Variants in SLC15A1 observed in about 807,000 individuals in gnomAD.
The protein encoded by SLC15A1 is solute carrier family 15 member 1.
In SLC15A1, 83 loss-of-function variants were observed where a neutral mutation model predicts 92.9. That is an observed-to-expected ratio of 0.89 (90% CI 0.75 to 1.07). SLC15A1 has a LOEUF of 1.07. Among genes scored for constraint, SLC15A1 ranks in the 50% least tolerant of loss-of-function variants. The probability of loss-of-function intolerance (pLI) is 0.00; values close to 1 mark genes in which losing one functional copy is unlikely to be tolerated. For synonymous variants in SLC15A1, 322 were observed against 318.2 expected (o/e 1.01, Z -0.13); for missense variants, 857 against 880.1 (o/e 0.97, Z 0.33).
chr13:98,687,799 G>T, intron 20 of SLC15A1, 75 bp from the exon 21 acceptor site: 1 of 1,532,048 alleles, frequency 6.5e-7, no homozygotes, highest in Non-Finnish European at 8.9e-7. Flanking sequence ...GGTAAATTGA[G>T]TTTGACCTTC....
At chr13:98,687,812 G>C (rs1222557717) in intron 20 of SLC15A1, 88 bp from the exon 21 acceptor site, 1 of 1,451,932 alleles carries the variant, frequency 6.9e-7, no homozygotes, top group Admixed American at 2.0e-5. Flanking sequence ...TGACCTTCTA[G>C]GATTACATCA....
intron 16 of SLC15A1, 50 bp from the exon 17 acceptor site, chr13:98,704,485 T>C (rs1473689321): frequency 6.5e-7 from 1 of 1,532,726 alleles, no homozygotes; most frequent in African/African-American, 1.4e-5. Context: ...GTCTCGGCAC[T>C]ATGCAACTGA....
At chr13:98,751,527 G>GTTCTGCAGAGCT (rs2088546736) in intron 1 of SLC15A1, among the ~76,000 whole-genome samples, 1 of 152,232 alleles carries the variant, frequency 6.6e-6, no homozygotes, top group Non-Finnish European at 1.5e-5. Flanking sequence ...CTGCAGCCCA[G>GTTCTGCAGAGCT]GAATCTGCCT....
intron 1 of SLC15A1, among the ~76,000 whole-genome samples, chr13:98,727,246 T>C (rs1383917607): frequency 6.6e-6 from 1 of 152,208 alleles, no homozygotes; most frequent in Non-Finnish European, 1.5e-5. Context: ...ATAAAATGCT[T>C]CTGAGTGCCT....
Position 98,688,275 on chromosome 13 carries a change from A to G in SLC15A1, c.1656T>C (p.Ser552=). Reference sequence around the variant, plus strand: ...TCCTTTGGACTATATAGGTATAAGCACTACCAAATTCAAGGTAGAAAGTAT... The same window carrying G: ...TCCTTTGGACTATATAGGTATAAGCGCTACCAAATTCAAGGTAGAAAGTAT... ...NFNTFYLEFG[S]AYTYIVQRKN... Residue 552 remains serine (S), a synonymous_variant, in exon 20 of 23, where the codon AGT becomes AGC. Coordinates refer to ENST00000376503, the MANE Select transcript of SLC15A1 (RefSeq NM_005073.4). The G allele has an allele frequency of 6.2e-7, 1 of 1,613,570 alleles. No individual in the cohort carries two copies. The highest frequency in any genetic ancestry group is 8.5e-7 in the Non-Finnish European group (1 of 1,179,526).
In SLC15A1 at chr13:98,707,027, C is replaced by T. The variant is rs142292197; in HGVS notation, c.1150-774G>A. On this transcript the variant is annotated intron_variant, in intron 15 of 22. Transcript: ENST00000376503. ...CCAGCCCTAGACGCAGCAGTGTACA[C>T]ATCTCACAAATGCCTGATGCTCTCC... Among the ~76,000 whole-genome samples, 489 of 152,336 alleles carry T rather than the reference C, an allele frequency of 3.2e-3. 2 individuals carry two copies. The highest frequency in any genetic ancestry group is 0.01 in the African/African-American group (424 of 41,590).
intron 1 of SLC15A1, among the ~76,000 whole-genome samples, chr13:98,737,376 G>A (rs1046196449): frequency 7.2e-5 from 11 of 152,174 alleles, no homozygotes; most frequent in Non-Finnish European, 1.5e-4. Flanking sequence ...ATAGCATTAG[G>A]AGAAATACCT....
chr13:98,718,612 C>T (rs7321176), intron 8 of SLC15A1, among the ~76,000 whole-genome samples: 124,256 of 152,044 alleles, frequency 0.82, 51,420 homozygotes, highest in African/African-American at 0.94. Context: ...AGGTCAGGTG[C>T]TCGAGACCAG....
chr13:98,710,587 G>A (rs903304545), intron 11 of SLC15A1, among the ~76,000 whole-genome samples: 5 of 151,992 alleles, frequency 3.3e-5, no homozygotes, highest in Non-Finnish European at 5.9e-5. Context: ...AGGCCGAGGC[G>A]CGTGGATCAC....
chr13:98,712,993 T>G (rs1333004040), intron 9 of SLC15A1, among the ~76,000 whole-genome samples: 1 of 152,232 alleles, frequency 6.6e-6, no homozygotes, highest in African/African-American at 2.4e-5. Flanking sequence ...AATTTTTACC[T>G]TCTTCTTCCA....
In SLC15A1 at chr13:98,721,569, CT is replaced by C; in HGVS notation, c.481del (p.Arg161AspfsTer51). The C allele has an allele frequency of 1.9e-6, 3 of 1,605,688 alleles. No homozygotes were observed. Among genetic ancestry groups the C allele is most frequent in the Non-Finnish European group, 2.6e-6 (3 of 1,175,278 alleles). ...AGCCAAGTAAAAGATGGAAAAAAAT[CT>C]GTTTCTTTGTTTCTCCTGCAATGAA... The part of the protein sequence containing the change: ...FEEGQEKQRN[R>X]FFSIFYLAIN... On this transcript the variant is annotated frameshift_variant, in exon 7 of 23. Transcript: ENST00000376503. LOFTEE classifies it high-confidence loss of function.
At chr13:98,696,507 CAA>C (rs2088023187) in intron 18 of SLC15A1, among the ~76,000 whole-genome samples, 1 of 152,084 alleles carries the variant, frequency 6.6e-6, no homozygotes, top group African/African-American at 2.4e-5. Flanking sequence ...ATCAATTGCT[CAA>C]AGTTTCCAAG....
chr13:98,743,042 G>A (rs1305209811), intron 1 of SLC15A1, among the ~76,000 whole-genome samples: 3 of 152,158 alleles, frequency 2.0e-5, no homozygotes, highest in Non-Finnish European at 2.9e-5. Flanking sequence ...CCAAAGTGCT[G>A]AGATTACGGG....
At chr13:98,705,522 T>C (rs1208971529) in intron 16 of SLC15A1, among the ~76,000 whole-genome samples, 1 of 152,204 alleles carries the variant, frequency 6.6e-6, no homozygotes, top group Non-Finnish European at 1.5e-5. Context: ...ATCCTTGATC[T>C]GGTGGTTCCA....
chr13:98,702,493 C>T lies in SLC15A1; in HGVS notation c.1453G>A (p.Glu485Lys). ...AAATATACATACCTGATTCCATTTT[C>T]CCCTTTTTCTGGCTTCTGGTTAAGA... ...DGLNQKPEKG[E>K]NGIRFVNTFN... Residue 485 changes from glutamate to lysine, a missense_variant, in exon 18 of 23, where the codon GAA becomes AAA. Physicochemically the swap from Glu to Lys is moderately conservative, Grantham distance 56. Coordinates refer to ENST00000376503, the MANE Select transcript of SLC15A1 (RefSeq NM_005073.4). 1 of 1,608,374 alleles carries T rather than the reference C, an allele frequency of 6.2e-7. No individual in the cohort carries two copies. Among genetic ancestry groups the T allele is most frequent in the Non-Finnish European group, 8.5e-7 (1 of 1,175,020 alleles).
intron 1 of SLC15A1, among the ~76,000 whole-genome samples, chr13:98,750,947 G>A (rs1357351400): frequency 6.6e-6 from 1 of 151,954 alleles, no homozygotes; most frequent in African/African-American, 2.4e-5. Flanking sequence ...AGAGACGGGG[G>A]TCTTACCATG....
rs778318915 is a variant in SLC15A1 at position 98,688,359 on chromosome 13, A to T, written c.1575-3T>A. The stretch of plus-strand genomic sequence containing the variant: ...TTGAGCTTATTGTGAAGCCTTTTCT[A>T]TCAAAATAAAGAATAATATTGGTTA... On this transcript the variant is annotated splice_region_variant and splice_polypyrimidine_tract_variant and intron_variant, in intron 19 of 22. Transcript: ENST00000376503. The T allele has an allele frequency of 1.4e-5, 23 of 1,611,782 alleles. No homozygotes were observed. The South Asian group carries it at 2.5e-4, about 18-fold the overall frequency.
chr13:98,748,603 G>A (rs548104020), intron 1 of SLC15A1, among the ~76,000 whole-genome samples: 78 of 152,172 alleles, frequency 5.1e-4, no homozygotes, highest in Middle Eastern at 3.4e-3. Flanking sequence ...CTATCCCTAC[G>A]TTAAGACGGC....
At chr13:98,751,837 CG>C (rs2088548741) in intron 1 of SLC15A1, among the ~76,000 whole-genome samples, 1 of 152,194 alleles carries the variant, frequency 6.6e-6, no homozygotes, top group Admixed American at 6.5e-5. Context: ...AAATGCTGGC[CG>C]GGGGCATCCA....
Sources: allele counts gnomAD v4.1 joint callset (sites outside exome capture counted in the v4.1 genomes callset), GRCh38; gene constraint gnomAD v4.1.1; transcripts MANE v1.5; gene names NCBI Gene and HGNC (gene_info 2026-07-23, HGNC 2026-07-21).